Variants in GABRB3 observed in about 807,000 individuals in gnomAD.
GABRB3 encodes gamma-aminobutyric acid type A receptor subunit beta3, also known as gamma-aminobutyric acid receptor subunit beta-3.
Under a neutral mutation model 52.1 loss-of-function variants are expected in GABRB3, and 14 were observed. The ratio of observed to expected loss-of-function variants is 0.27; its 90% CI spans 0.18 to 0.42. GABRB3 has a LOEUF of 0.42. GABRB3 is among the 10% of genes least tolerant of loss of function. GABRB3 has a pLI of 1.00. For missense variants in GABRB3, 307 were observed against 609.1 expected (o/e 0.50, Z 5.22); for synonymous variants, 260 against 232.3 (o/e 1.12, Z -1.08).
chr15:26,687,209 G>A (rs1342996289), intron 3 of GABRB3, among the ~76,000 whole-genome samples: 1 of 152,164 alleles, frequency 6.6e-6, no homozygotes, highest in African/African-American at 2.4e-5. Flanking sequence ...CAGCTTTCTC[G>A]TGCAGTTTCA....
intron 4 of GABRB3, among the ~76,000 whole-genome samples, chr15:26,610,024 C>T (rs1892009422): frequency 6.6e-6 from 1 of 152,154 alleles, no homozygotes; most frequent in Non-Finnish European, 1.5e-5. Context: ...TATCAAGGAA[C>T]TGAAACATAC....
chr15:26,595,345 G>A (rs1291938621), intron 4 of GABRB3, among the ~76,000 whole-genome samples: 4 of 152,160 alleles, frequency 2.6e-5, no homozygotes, highest in African/African-American at 9.7e-5. Context: ...CCCTCTGGTA[G>A]GAGAGGGAGC....
At chr15:26,643,259 C>A (rs1863457) in intron 3 of GABRB3, among the ~76,000 whole-genome samples, 2 of 151,984 alleles carry the variant, frequency 1.3e-5, no homozygotes, top group African/African-American at 4.8e-5. Flanking sequence ...CCCATCCTGG[C>A]GGCCAGGTGC....
chr15:26,761,346 G>A (rs1486254456), intron 3 of GABRB3, among the ~76,000 whole-genome samples: 1 of 151,404 alleles, frequency 6.6e-6, no homozygotes, highest in East Asian at 1.9e-4. Context: ...AGTGAGTCAA[G>A]ACCATGGCAT....
At chr15:26,768,374 T>C (rs2140193497) in intron 3 of GABRB3, among the ~76,000 whole-genome samples, 1 of 152,332 alleles carries the variant, frequency 6.6e-6, no homozygotes, top group African/African-American at 2.4e-5. Flanking sequence ...AAAAAGTAAG[T>C]ACATGTAACT....
At chr15:26,712,123 G>C (rs1011162637) in intron 3 of GABRB3, among the ~76,000 whole-genome samples, 1 of 152,014 alleles carries the variant, frequency 6.6e-6, no homozygotes, top group Admixed American at 6.5e-5. Flanking sequence ...GCAGAGGGAA[G>C]ACTGGGGAGG....
chr15:26,714,601 CTG>C (rs1889408916), intron 3 of GABRB3, among the ~76,000 whole-genome samples: 1 of 152,178 alleles, frequency 6.6e-6, no homozygotes, highest in South Asian at 2.1e-4. Flanking sequence ...TTTTGAGTTT[CTG>C]ACTAGCCTTT....
chr15:26,578,053 T>C (rs558214670), intron 6 of GABRB3, among the ~76,000 whole-genome samples: 34 of 152,318 alleles, frequency 2.2e-4, no homozygotes, highest in Non-Finnish European at 1.2e-4. Context: ...TCCCGAAGCG[T>C]TGGGATTACA....
chr15:26,745,719 A>G (rs1009052646), intron 3 of GABRB3, among the ~76,000 whole-genome samples: 1 of 152,210 alleles, frequency 6.6e-6, no homozygotes, highest in African/African-American at 2.4e-5. Context: ...ATGTAAATAA[A>G]ATATAGTGTA....
chr15:26,622,729 A>G (rs987984121), intron 3 of GABRB3, among the ~76,000 whole-genome samples: 18 of 152,168 alleles, frequency 1.2e-4, no homozygotes, highest in Non-Finnish European at 2.2e-4. Flanking sequence ...ATGGCTGTTT[A>G]TTGCTGCTCT....
chr15:26,660,100 C>T (rs1012702798), intron 3 of GABRB3, among the ~76,000 whole-genome samples: 8 of 151,844 alleles, frequency 5.3e-5, no homozygotes, highest in Non-Finnish European at 8.8e-5. Context: ...CATGGTGGCA[C>T]GCCCCTGTAA....
chr15:26,766,742 A>C (rs1362828500), intron 3 of GABRB3, among the ~76,000 whole-genome samples: 1 of 152,142 alleles, frequency 6.6e-6, no homozygotes, highest in Non-Finnish European at 1.5e-5. Flanking sequence ...ACTTATTTAC[A>C]TGTAGTTAAT....
At chr15:26,764,180 ATATATATATATATATATATATATAT>A (rs1328041266) in intron 3 of GABRB3, among the ~76,000 whole-genome samples, 2 of 4,454 alleles carry the variant, frequency 4.5e-4, no homozygotes, top group Non-Finnish European at 7.8e-4. Flanking sequence ...AAAAAAAAAA[ATATATATATATATATATATATATAT>A]ATATATATAT....
chr15:26,662,030 C>T (rs1315344017), intron 3 of GABRB3, among the ~76,000 whole-genome samples: 1 of 152,202 alleles, frequency 6.6e-6, no homozygotes, highest in Admixed American at 6.5e-5. Context: ...GATGACTCAT[C>T]TCCACTGTAC....
At chr15:26,642,586 T>C in intron 3 of GABRB3, 3 of 996,688 alleles carry the variant, frequency 3.0e-6, no homozygotes, top group Non-Finnish European at 4.2e-6. Context: ...ATGCTAAAAA[T>C]AGTCTAAGTG....
chr15:26,592,349 T>C (rs145792496), intron 4 of GABRB3, among the ~76,000 whole-genome samples: 80 of 152,324 alleles, frequency 5.3e-4, no homozygotes, highest in African/African-American at 1.7e-3. Flanking sequence ...CACATCCATA[T>C]TGGCACTAGA....
At chr15:26,734,491 A>T (rs935293528) in intron 3 of GABRB3, among the ~76,000 whole-genome samples, 8 of 152,066 alleles carry the variant, frequency 5.3e-5, no homozygotes, top group African/African-American at 1.9e-4. Context: ...GTCAGAAAAC[A>T]CTATCTGGCT....
At chr15:26,689,946 A>C (rs1888532526) in intron 3 of GABRB3, among the ~76,000 whole-genome samples, 1 of 152,122 alleles carries the variant, frequency 6.6e-6, no homozygotes, top group African/African-American at 2.4e-5. Flanking sequence ...GCCCTCGGCC[A>C]AGAGGGTGTC....
At chr15:26,718,240 C>T (rs939203409) in intron 3 of GABRB3, among the ~76,000 whole-genome samples, 6 of 151,956 alleles carry the variant, frequency 3.9e-5, no homozygotes, top group African/African-American at 1.4e-4. Context: ...CGGAGTTTTG[C>T]TCTTGTTACC....
Sources: allele counts gnomAD v4.1 joint callset (sites outside exome capture counted in the v4.1 genomes callset), GRCh38; gene constraint gnomAD v4.1.1; transcripts MANE v1.5; gene names NCBI Gene and HGNC (gene_info 2026-07-23, HGNC 2026-07-21).